The following ADAM29 variants were observed in gnomAD, a reference collection of about 807,000 sequenced individuals.
ADAM29 encodes the protein ADAM metallopeptidase domain 29, also known as disintegrin and metalloproteinase domain-containing protein 29.
For missense variants in ADAM29, 969 were observed against 1,001.8 expected (o/e 0.97, Z 0.44); for synonymous variants, 367 against 342.3 (o/e 1.07, Z -0.80).
At chr4:174,962,910 T>A (rs958000537) in intron 4 of ADAM29, among the ~76,000 whole-genome samples, 1 of 152,096 alleles carries the variant, frequency 6.6e-6, no homozygotes, top group African/African-American at 2.4e-5. Context: ...TAAAATAACA[T>A]GAAAAATTAT....
At chr4:174,939,099 T>A (rs1466676771) in intron 4 of ADAM29, among the ~76,000 whole-genome samples, 1 of 152,040 alleles carries the variant, frequency 6.6e-6, no homozygotes, top group Non-Finnish European at 1.5e-5. Flanking sequence ...AACTTACTTA[T>A]CTGCAAAGAG....
At chr4:174,947,763 G>T (rs1347994212) in intron 4 of ADAM29, among the ~76,000 whole-genome samples, 1 of 152,148 alleles carries the variant, frequency 6.6e-6, no homozygotes, top group Non-Finnish European at 1.5e-5. Context: ...GGTCCATTTG[G>T]TCATGTGCCA....
intron 4 of ADAM29, among the ~76,000 whole-genome samples, chr4:174,968,491 T>C (rs542553320): frequency 6.6e-6 from 1 of 152,344 alleles, no homozygotes; most frequent in African/African-American, 2.4e-5. Flanking sequence ...CTCCACTTTT[T>C]GTACGTAAGC....
chr4:174,940,402 G>A (rs1294501597), intron 4 of ADAM29, among the ~76,000 whole-genome samples: 1 of 152,138 alleles, frequency 6.6e-6, no homozygotes, highest in Non-Finnish European at 1.5e-5. Flanking sequence ...ATTAAAACTT[G>A]AGGGTTAACA....
intron 4 of ADAM29, among the ~76,000 whole-genome samples, chr4:174,958,489 T>C (rs1745632445): frequency 6.6e-6 from 1 of 151,824 alleles, no homozygotes; most frequent in Non-Finnish European, 1.5e-5. Flanking sequence ...AGTGATAGTA[T>C]ACTATCTTCC....
chr4:174,920,942 C>T (rs1432238698), intron 2 of ADAM29, 150 bp downstream of exon 2: 1 of 152,022 alleles, frequency 6.6e-6, no homozygotes, highest in African/African-American at 2.4e-5. Context: ...GGGACATCAT[C>T]AAAGCAAAAG....
chr4:174,974,318 T>G (rs1206727289), intron 4 of ADAM29, among the ~76,000 whole-genome samples: 3 of 152,236 alleles, frequency 2.0e-5, no homozygotes, highest in Non-Finnish European at 4.4e-5. Flanking sequence ...GGTTTGGGGT[T>G]AAAGATCTGT....
At chr4:174,940,143 A>T (rs976343508) in intron 4 of ADAM29, among the ~76,000 whole-genome samples, 5 of 152,116 alleles carry the variant, frequency 3.3e-5, no homozygotes, top group African/African-American at 1.2e-4. Context: ...TAAAGTGGTT[A>T]GTTTTCTTCC....
In ADAM29 at chr4:174,975,879, C is replaced by T. The variant is rs111521267; in HGVS notation, c.354C>T (p.Thr118=). The T allele has an allele frequency of 1.7e-5, 27 of 1,613,554 alleles. No individual in the cohort carries two copies. In the African/African-American group the frequency reaches 1.9e-4, roughly 11 times the overall value. Residue 118 remains threonine, a synonymous_variant, in exon 5 of 5, where the codon ACC becomes ACT. Transcript: ENST00000359240. ...CAGAATCCCTGGTTTCCCTCAGTAC[C>T]TGTTTTGGGGGTTTTCAAGGAATAT... The part of the protein sequence containing the change: ...GDPESLVSLS[T]CFGGFQGILQ...
chr4:174,965,074 A>G (rs1417332606), intron 4 of ADAM29, among the ~76,000 whole-genome samples: 2 of 152,136 alleles, frequency 1.3e-5, no homozygotes, highest in African/African-American at 4.8e-5. Context: ...CTATTTATAT[A>G]TTAGTCTTTT....
chr4:174,942,081 TG>T (rs1250188339), intron 4 of ADAM29, among the ~76,000 whole-genome samples: 5 of 152,212 alleles, frequency 3.3e-5, no homozygotes, highest in African/African-American at 1.2e-4. Context: ...ATCAAGGGCA[TG>T]CTGATGTGAG....
chr4:174,969,325 A>G (rs1409224535), intron 4 of ADAM29, among the ~76,000 whole-genome samples: 2 of 151,800 alleles, frequency 1.3e-5, no homozygotes, highest in Non-Finnish European at 2.9e-5. Flanking sequence ...CCAAAAACAA[A>G]GTAAAAATTA....
intron 2 of ADAM29, among the ~76,000 whole-genome samples, chr4:174,926,764 C>T (rs1288321581): frequency 1.3e-5 from 2 of 149,904 alleles, no homozygotes; most frequent in Non-Finnish European, 3.0e-5. Flanking sequence ...AAACATAACA[C>T]TGTTTCCCCA....
intron 4 of ADAM29, among the ~76,000 whole-genome samples, chr4:174,971,413 A>C (rs534909540): frequency 6.7e-6 from 1 of 148,862 alleles, no homozygotes; most frequent in Non-Finnish European, 1.5e-5. Context: ...ATTGGTGATG[A>C]TCTCTCTCAG....
intron 2 of ADAM29, among the ~76,000 whole-genome samples, chr4:174,928,273 C>T (rs1010310590): frequency 1.3e-5 from 2 of 152,028 alleles, no homozygotes; most frequent in South Asian, 2.1e-4. Flanking sequence ...CTTTACAAGG[C>T]GAGGAACAGG....
At chr4:174,965,989 C>A (rs1197365179) in intron 4 of ADAM29, among the ~76,000 whole-genome samples, 2 of 152,090 alleles carry the variant, frequency 1.3e-5, no homozygotes, top group Non-Finnish European at 2.9e-5. Flanking sequence ...AGGATTGGTC[C>A]CAGGACCTCT....
intron 4 of ADAM29, among the ~76,000 whole-genome samples, chr4:174,938,347 G>T (rs1370308229): frequency 5.3e-5 from 8 of 152,064 alleles, no homozygotes; most frequent in African/African-American, 1.9e-4. Context: ...TGAAAATTCT[G>T]TTCCTAAGTC....
Position 174,976,163 on chromosome 4 carries a change from G to T in ADAM29, c.638G>T (p.Arg213Leu), listed in dbSNP as rs143384232. ...VVVIDNYLYI[R>L]YERNDSKLLE... ...GTCATTGATAATTATCTGTACATTC[G>T]TTATGAAAGGAACGACTCAAAGTTG... is the stretch of plus-strand genomic sequence containing the variant. Residue 213 changes from arginine (R) to leucine (L), a missense_variant, in exon 5 of 5, where the codon CGT (arginine) becomes CTT (leucine). By Grantham distance (102) the Arg-to-Leu change is moderately radical (BLOSUM62 -2). Transcript: ENST00000359240. 4.3e-6 allele frequency: 7 copies of T among 1,612,088 alleles called. No homozygotes were observed. The highest frequency in any genetic ancestry group is 5.9e-6 in the Non-Finnish European group (7 of 1,179,598).
In ADAM29 at chr4:174,978,122, C is replaced by T. The variant is rs111721405; in HGVS notation, c.*134C>T. Reference sequence around the variant, plus strand: ...AGTAAAAGTGGTAAACAAAAGCAATCAGTACCAATTCCAAAAACTGTATCC... The same window carrying T: ...AGTAAAAGTGGTAAACAAAAGCAATTAGTACCAATTCCAAAAACTGTATCC... On this transcript the variant is annotated 3_prime_UTR_variant, in exon 5 of 5. Coordinates refer to ENST00000359240, the MANE Select transcript of ADAM29 (RefSeq NM_014269.4). The T allele has an allele frequency of 9.2e-4, 1,291 of 1,410,560 alleles. 7 individuals are homozygous for T. In the African/African-American group the frequency reaches 0.013, roughly 14 times the overall value. 87.4% of individuals were successfully genotyped at this position (1,410,560 alleles called of 1,614,324 possible). A position where few individuals can be genotyped will look rare whatever the true frequency, so the allele number is the denominator to read the frequency against.
Sources: gnomAD v4.1 joint callset for allele counts (sites outside exome capture counted in the v4.1 genomes callset) on GRCh38, gnomAD v4.1.1 for gene constraint, MANE v1.5 for transcripts, NCBI Gene and HGNC (gene_info 2026-07-23, HGNC 2026-07-21) for gene names.